RP1: variants seen among roughly 807,000 people sequenced by gnomAD.
RP1 encodes the protein RP1 axonemal microtubule associated.
Under a neutral mutation model 14.8 loss-of-function variants are expected in RP1, and 16 were observed. The ratio of observed to expected loss-of-function variants is 1.08; its 90% CI spans 0.73 to 1.65. RP1 has a LOEUF of 1.65. Among genes scored for constraint, RP1 ranks in the 40% most tolerant of loss-of-function variants. The pLI is 0.00. For synonymous variants in RP1, 876 were observed against 883.6 expected, an observed-to-expected ratio of 0.99 and a Z score of 0.15; for missense variants, 2,631 against 2,535.0, an observed-to-expected ratio of 1.04 and a Z score of -0.81.
chr8:54,781,893 A>G (rs545295048), intron 23 of RP1, among the ~76,000 whole-genome samples: 11 of 152,182 alleles, frequency 7.2e-5, no homozygotes, highest in Non-Finnish European at 1.2e-4. Context: ...GACATATTAT[A>G]TGAATCAATG....
intron 7 of RP1, among the ~76,000 whole-genome samples, chr8:54,670,701 ATATAT>A (rs1563343335): frequency 8.0e-4 from 111 of 137,982 alleles, no homozygotes; most frequent in African/African-American, 1.9e-3. Flanking sequence ...ATATATATAT[ATATAT>A]AAAACATTAA....
exon 19 of RP1, chr8:54,739,011 C>T (rs1018277430): frequency 1.0e-5 from 16 of 1,530,686 alleles, no homozygotes; most frequent in East Asian, 4.9e-5. Flanking sequence ...GTGAGCAACC[C>T]GAGTGGAACT....
At chr8:54,593,536 T>A (rs531146660) in intron 1 of RP1, among the ~76,000 whole-genome samples, 1 of 152,282 alleles carries the variant, frequency 6.6e-6, no homozygotes, top group South Asian at 2.1e-4. Flanking sequence ...ACATCAGCAA[T>A]TTATTTGGTA....
downstream of RP1, among the ~76,000 whole-genome samples, chr8:54,635,454 T>C (rs1806328033): frequency 6.6e-6 from 1 of 152,158 alleles, no homozygotes; most frequent in African/African-American, 2.4e-5. Flanking sequence ...GACTTGTACA[T>C]CACAGGAATT....
chr8:54,623,007 T>G (rs1805923843), intron 3 of RP1, among the ~76,000 whole-genome samples: 1 of 152,234 alleles, frequency 6.6e-6, no homozygotes, highest in African/African-American at 2.4e-5. Context: ...TGATTGTTTT[T>G]TATACTTAAA....
intron 25 of RP1, among the ~76,000 whole-genome samples, chr8:54,848,240 C>G (rs1432749949): frequency 1.3e-5 from 2 of 152,172 alleles, no homozygotes; most frequent in Admixed American, 6.5e-5. Flanking sequence ...TTAGGAGTCT[C>G]TGGCAATTTC....
chr8:54,569,693 C>T (rs1804480429), intron 1 of RP1, among the ~76,000 whole-genome samples: 1 of 152,122 alleles, frequency 6.6e-6, no homozygotes, highest in East Asian at 1.9e-4. Flanking sequence ...CACTGAGGGC[C>T]CAGTGGTTGT....
downstream of RP1, among the ~76,000 whole-genome samples, chr8:54,770,932 G>A (rs77649635): frequency 4.5e-3 from 679 of 151,942 alleles, 5 homozygotes; most frequent in African/African-American, 0.015. Flanking sequence ...GATAAATACT[G>A]TTTACTAATA....
intron 25 of RP1, among the ~76,000 whole-genome samples, chr8:54,850,018 G>C (rs1277839559): frequency 6.6e-6 from 1 of 152,104 alleles, no homozygotes; most frequent in African/African-American, 2.4e-5. Context: ...TGTCATATAA[G>C]GTTTTCATAA....
At chr8:54,863,083 A>T (rs1336604409) in intron 27 of RP1, among the ~76,000 whole-genome samples, 1 of 142,544 alleles carries the variant, frequency 7.0e-6, no homozygotes, top group Admixed American at 7.1e-5. Flanking sequence ...ATATATGCAG[A>T]ATCATGTGCT....
At position 54,714,798 on chromosome 8, in the gene RP1, G is replaced by A. The variant is rs766531864; in HGVS notation, c.2212-5331G>A. ...CAGCTGGCAAGATGAACTTGTCAGT[G>A]GTGACTTTGTTGTAGATCACAGTCT... On this transcript the variant is annotated intron_variant, in intron 15 of 22. Coordinates refer to the RP1 transcript ENST00000636932. Among the ~76,000 whole-genome samples, 53 of 152,310 alleles carry A rather than the reference G, an allele frequency of 3.5e-4. 1 individual carries two copies. In the Middle Eastern group the frequency reaches 0.01, roughly 29 times the overall value.
chr8:54,749,244 T>A (rs1408110222), intron 19 of RP1, among the ~76,000 whole-genome samples: 1 of 151,512 alleles, frequency 6.6e-6, no homozygotes, highest in Non-Finnish European at 1.5e-5. Context: ...GGCAGGAGAA[T>A]GGTGTGAACA....
intron 12 of RP1, among the ~76,000 whole-genome samples, chr8:54,698,239 A>C (rs1203756338): frequency 6.6e-6 from 1 of 152,240 alleles, no homozygotes; most frequent in Non-Finnish European, 1.5e-5. Flanking sequence ...ATATGAACAA[A>C]CACTTCTCAA....
At chr8:54,667,112 T>A (rs2129330953) in intron 7 of RP1, among the ~76,000 whole-genome samples, 1 of 152,154 alleles carries the variant, frequency 6.6e-6, no homozygotes, top group East Asian at 1.9e-4. Flanking sequence ...TGCCACCTTT[T>A]TTTTTACTTT....
At chr8:54,673,543 C>A (rs535279751) in intron 7 of RP1, among the ~76,000 whole-genome samples, 2 of 152,086 alleles carry the variant, frequency 1.3e-5, no homozygotes, top group Non-Finnish European at 2.9e-5. Context: ...AGTTTGAGAC[C>A]AGCCTGGGCA....
chr8:54,837,675 T>C, intron 25 of RP1: 1 of 1,216,010 alleles, frequency 8.2e-7, no homozygotes, highest in Non-Finnish European at 1.0e-6. Context: ...GCCAGGTATA[T>C]AATTTCATTT....
At chr8:54,596,294 G>C (rs1008653329) in intron 1 of RP1, among the ~76,000 whole-genome samples, 1 of 152,118 alleles carries the variant, frequency 6.6e-6, no homozygotes, top group Non-Finnish European at 1.5e-5. Context: ...GCATAACCTA[G>C]ACTCTCTTGT....
rs368670632 is a variant in RP1 at position 54,869,506 on chromosome 8, A to G, written c.4152-337A>G. Among the ~76,000 whole-genome samples, 13 of 152,360 alleles carry G rather than the reference A, an allele frequency of 8.5e-5. No individual in the cohort carries two copies. In the East Asian group the frequency reaches 2.3e-3, roughly 27 times the overall value. On this transcript the variant is annotated intron_variant, in intron 28 of 28. Coordinates refer to the RP1 transcript ENST00000637698. Reference sequence around the variant, plus strand: ...TAGCCACTGTGTATACCTGCCAGTCACATGACAGGAGAAAATAACAGCTAC... The same window carrying G: ...TAGCCACTGTGTATACCTGCCAGTCGCATGACAGGAGAAAATAACAGCTAC...
intron 17 of RP1, among the ~76,000 whole-genome samples, chr8:54,733,581 C>T (rs1808843454): frequency 6.6e-6 from 1 of 152,064 alleles, no homozygotes; most frequent in South Asian, 2.1e-4. Flanking sequence ...TGGTAAGATC[C>T]TAAGTGCTGC....
Sources: allele counts gnomAD v4.1 joint callset (sites outside exome capture counted in the v4.1 genomes callset), GRCh38; gene constraint gnomAD v4.1.1; transcripts MANE v1.5; gene names NCBI Gene and HGNC (gene_info 2026-07-23, HGNC 2026-07-21).